The following WWOX variants were observed in gnomAD, a reference collection of about 807,000 sequenced individuals.
The protein encoded by WWOX is WW domain-containing oxidoreductase.
WWOX carries 69 observed loss-of-function variants against 46.2 expected under a neutral mutation model. The observed-to-expected ratio is 1.49, with a 90% CI of 1.23 to 1.82. The LOEUF (loss-of-function observed/expected upper bound fraction) is 1.82. Ranked by LOEUF, WWOX falls within the 40% of genes most tolerant of loss-of-function variation. The pLI, the probability that WWOX is intolerant of heterozygous loss-of-function variation, is 0.00. For missense variants in WWOX, 919 were observed against 542.6 expected (o/e 1.69, Z -6.89); for synonymous variants, 359 against 202.6 (o/e 1.77, Z -6.56).
chr16:78,663,599 A>C (rs1260602266), intron 8 of WWOX, among the ~76,000 whole-genome samples: 1 of 152,092 alleles, frequency 6.6e-6, no homozygotes, highest in South Asian at 2.1e-4. Flanking sequence ...GCAGACTTCT[A>C]TTTTCATTCC....
intron 8 of WWOX, among the ~76,000 whole-genome samples, chr16:78,558,347 G>A (rs761005126): frequency 1.3e-5 from 2 of 152,212 alleles, no homozygotes; most frequent in African/African-American, 2.4e-5. Context: ...GTTTGTTTTG[G>A]ATTTTTTAAT....
At chr16:78,834,074 A>C (rs1044987347) in intron 8 of WWOX, among the ~76,000 whole-genome samples, 2 of 152,232 alleles carry the variant, frequency 1.3e-5, no homozygotes, top group Non-Finnish European at 1.5e-5. Context: ...TCACACATGC[A>C]TCCCAAGTCC....
At chr16:78,379,358 C>T (rs542400292) in intron 5 of WWOX, among the ~76,000 whole-genome samples, 1 of 152,242 alleles carries the variant, frequency 6.6e-6, no homozygotes, top group East Asian at 1.9e-4. Context: ...TCTGCAGTTG[C>T]ACATGAGTAG....
chr16:78,815,169 A>C (rs1430178838), intron 8 of WWOX, among the ~76,000 whole-genome samples: 1 of 152,154 alleles, frequency 6.6e-6, no homozygotes, highest in Non-Finnish European at 1.5e-5. Context: ...TACTAAAAAT[A>C]CAAAAATTAA....
intron 8 of WWOX, among the ~76,000 whole-genome samples, chr16:78,529,671 G>T (rs1040341018): frequency 6.6e-6 from 1 of 151,920 alleles, no homozygotes; most frequent in Non-Finnish European, 1.5e-5. Flanking sequence ...GTTTCACCGT[G>T]TTAGGCAGGA....
At chr16:78,701,020 G>C (rs139903337) in intron 8 of WWOX, among the ~76,000 whole-genome samples, 57 of 152,162 alleles carry the variant, frequency 3.7e-4, no homozygotes, top group Non-Finnish European at 6.6e-4. Flanking sequence ...TTGAATCCAG[G>C]GTCTGCCAGA....
At chr16:78,372,358 G>A (rs572233084) in intron 5 of WWOX, among the ~76,000 whole-genome samples, 3 of 152,202 alleles carry the variant, frequency 2.0e-5, no homozygotes, top group African/African-American at 4.8e-5. Context: ...CATTCATGCC[G>A]TCTACCCCCC....
chr16:78,784,685 A>T (rs367652652), intron 8 of WWOX, among the ~76,000 whole-genome samples: 1 of 152,194 alleles, frequency 6.6e-6, no homozygotes, highest in East Asian at 1.9e-4. Context: ...GTGGTTCCCA[A>T]TGTTACTGTT....
At chr16:78,558,611 T>C (rs80084485) in intron 8 of WWOX, among the ~76,000 whole-genome samples, 7,703 of 152,336 alleles carry the variant, frequency 0.051, 233 homozygotes, top group African/African-American at 0.08. Flanking sequence ...ATTTCTGTTA[T>C]GCTCATTCAT....
At chr16:78,704,305 G>A (rs1320386876) in intron 8 of WWOX, among the ~76,000 whole-genome samples, 1 of 152,040 alleles carries the variant, frequency 6.6e-6, no homozygotes, top group Admixed American at 6.5e-5. Flanking sequence ...TCTTGACTAC[G>A]TTCTGGTGAA....
intron 8 of WWOX, among the ~76,000 whole-genome samples, chr16:78,672,188 A>G (rs1446330837): frequency 1.3e-5 from 2 of 152,212 alleles, no homozygotes; most frequent in Admixed American, 1.3e-4. Context: ...CCATGACCAG[A>G]AGACAAACCC....
chr16:78,887,370 G>T (rs1393785835), intron 8 of WWOX, among the ~76,000 whole-genome samples: 2 of 151,282 alleles, frequency 1.3e-5, no homozygotes, highest in Non-Finnish European at 2.9e-5. Context: ...CCCACGTTTT[G>T]GAATTATTCA....
intron 8 of WWOX, among the ~76,000 whole-genome samples, chr16:78,756,233 G>A (rs1460246715): frequency 6.6e-6 from 1 of 152,118 alleles, no homozygotes; most frequent in Non-Finnish European, 1.5e-5. Flanking sequence ...AGCTGGCCCT[G>A]TTGCTTAAAG....
chr16:78,194,801 C>T (rs1262094997), intron 5 of WWOX, among the ~76,000 whole-genome samples: 5 of 152,000 alleles, frequency 3.3e-5, no homozygotes, highest in East Asian at 1.9e-4. Flanking sequence ...TCTTAACTCC[C>T]GATCCTTTTA....
intron 8 of WWOX, among the ~76,000 whole-genome samples, chr16:78,712,517 C>A (rs2048464940): frequency 6.6e-6 from 1 of 150,828 alleles, no homozygotes; most frequent in Non-Finnish European, 1.5e-5. Context: ...AAAAAAAAGT[C>A]TTATATTGAT....
intron 8 of WWOX, among the ~76,000 whole-genome samples, chr16:79,184,715 A>G (rs897495085): frequency 6.6e-6 from 1 of 152,172 alleles, no homozygotes; most frequent in Non-Finnish European, 1.5e-5. Flanking sequence ...TTCCCAGAAG[A>G]GTGGGAGTCT....
intron 8 of WWOX, among the ~76,000 whole-genome samples, chr16:78,445,968 A>C (rs983329376): frequency 7.2e-5 from 11 of 152,134 alleles, no homozygotes; most frequent in Non-Finnish European, 2.9e-5. Flanking sequence ...TGCTTTGGAA[A>C]ATGGGCTGTG....
rs1355814947 is a variant in WWOX, at chr16:78,779,359, C to T, written c.1056+346607C>T. Among the ~76,000 whole-genome samples the T allele has an allele frequency of 2.0e-5, 3 of 152,104 alleles. No homozygotes were observed. In the South Asian group the frequency reaches 6.2e-4, roughly 32 times the overall value. Reference sequence around the variant, plus strand: ...AGGCAGTTTTGCTGTGTTGCCCAGACTGGTCTTGAACTCTTGAGCTCAAGA... The same window carrying T: ...AGGCAGTTTTGCTGTGTTGCCCAGATTGGTCTTGAACTCTTGAGCTCAAGA... On this transcript the variant is annotated intron_variant, in intron 8 of 8. Coordinates refer to ENST00000566780, the MANE Select transcript of WWOX (RefSeq NM_016373.4).
At chr16:78,687,702 A>T (rs935928349) in intron 8 of WWOX, among the ~76,000 whole-genome samples, 21 of 152,324 alleles carry the variant, frequency 1.4e-4, no homozygotes, top group Admixed American at 1.4e-3. Context: ...GCTCAATTAG[A>T]TCTAACTTGC....
Sources: gnomAD v4.1 joint callset for allele counts (sites outside exome capture counted in the v4.1 genomes callset) on GRCh38, gnomAD v4.1.1 for gene constraint, MANE v1.5 for transcripts, NCBI Gene and HGNC (gene_info 2026-07-23, HGNC 2026-07-21) for gene names.